Variants in CNTN4 observed in about 807,000 individuals in gnomAD.
The protein encoded by CNTN4 is contactin 4.
In CNTN4, 77 loss-of-function variants were observed where a neutral mutation model predicts 122.5. The observed-to-expected ratio is 0.63, with a 90% confidence interval of 0.52 to 0.76. The LOEUF (loss-of-function observed/expected upper bound fraction) is 0.76, where lower values mean the gene tolerates loss of function less well. Ranked by LOEUF, CNTN4 falls within the 30% of genes least tolerant of loss-of-function variation. CNTN4 has a pLI of 0.00. For missense variants in CNTN4, 1,256 were observed against 1,259.1 expected, an observed-to-expected ratio of 1.00 and a Z score of 0.04; for synonymous variants, 512 against 447.0, an observed-to-expected ratio of 1.15 and a Z score of -1.83.
chr3:2,197,743 C>T (rs1007522803), intron 2 of CNTN4, among the ~76,000 whole-genome samples: 4 of 152,100 alleles, frequency 2.6e-5, no homozygotes, highest in Admixed American at 6.5e-5. Flanking sequence ...TGTCCAGGCA[C>T]GGTGGCTCAT....
intron 6 of CNTN4, among the ~76,000 whole-genome samples, chr3:2,815,904 T>C (rs1347042190): frequency 7.2e-6 from 1 of 138,786 alleles, no homozygotes; most frequent in Non-Finnish European, 1.5e-5. Flanking sequence ...TGGAATACTA[T>C]GTAGCCATAA....
chr3:2,882,817 T>C (rs900281318), intron 8 of CNTN4: 1 of 284,312 alleles, frequency 3.5e-6, no homozygotes, highest in Non-Finnish European at 6.8e-6. Flanking sequence ...AAGAGATAAT[T>C]TAATTTTCCT....
intron 2 of CNTN4, among the ~76,000 whole-genome samples, chr3:2,173,558 G>A (rs2036606016): frequency 1.3e-5 from 2 of 152,166 alleles, no homozygotes; most frequent in Non-Finnish European, 2.9e-5. Context: ...TGGATAGAAA[G>A]GGATAGATTG....
chr3:2,611,309 A>AG (rs1553583063), intron 4 of CNTN4, among the ~76,000 whole-genome samples: 3,486 of 138,090 alleles, frequency 0.025, 143 homozygotes, highest in Non-Finnish European at 0.037. Context: ...AAAAAAAAAA[A>AG]AAAGAAAGAA....
At chr3:2,108,864 C>T (rs933175466) in intron 2 of CNTN4, among the ~76,000 whole-genome samples, 10 of 152,136 alleles carry the variant, frequency 6.6e-5, no homozygotes, top group African/African-American at 2.4e-4. Context: ...AGTAAGCATC[C>T]AGTACACAGC....
chr3:2,861,659 AT>A (rs2093672912), intron 7 of CNTN4, among the ~76,000 whole-genome samples: 1 of 152,166 alleles, frequency 6.6e-6, no homozygotes, highest in African/African-American at 2.4e-5. Flanking sequence ...TAACTCTAAT[AT>A]CTTCCTTCTA....
intron 13 of CNTN4, among the ~76,000 whole-genome samples, chr3:2,944,509 T>C (rs111569667): frequency 4.3e-4 from 65 of 152,304 alleles, no homozygotes; most frequent in African/African-American, 1.5e-3. Context: ...AGAACCATTT[T>C]GTATTTATTT....
chr3:2,879,059 C>T (rs2093878162), intron 8 of CNTN4, among the ~76,000 whole-genome samples: 1 of 152,132 alleles, frequency 6.6e-6, no homozygotes, highest in African/African-American at 2.4e-5. Context: ...TCCTAATACC[C>T]AGTGCCCCTG....
chr3:2,123,811 T>C (rs2033953640), intron 2 of CNTN4, among the ~76,000 whole-genome samples: 1 of 152,206 alleles, frequency 6.6e-6, no homozygotes, highest in African/African-American at 2.4e-5. Context: ...ATGTTTGGGA[T>C]GACCAGGCAG....
intron 6 of CNTN4, among the ~76,000 whole-genome samples, chr3:2,762,903 G>GATTTGCAT (rs1273110337): frequency 7.5e-6 from 1 of 132,792 alleles, no homozygotes; most frequent in African/African-American, 2.9e-5. Context: ...TTGTGGTTTT[G>GATTTGCAT]ATTTGCATTT....
intron 4 of CNTN4, among the ~76,000 whole-genome samples, chr3:2,645,957 G>A (rs2083098184): frequency 6.6e-6 from 1 of 152,038 alleles, no homozygotes; most frequent in Non-Finnish European, 1.5e-5. Context: ...TTCAACTATT[G>A]TTGTTTAACA....
intron 5 of CNTN4, among the ~76,000 whole-genome samples, chr3:2,744,181 G>A (rs180755843): frequency 2.0e-5 from 3 of 152,306 alleles, no homozygotes. Context: ...ACTGCAAAAT[G>A]GCTTTGAAGT....
chr3:2,451,569 C>T (rs1170927613), intron 3 of CNTN4, among the ~76,000 whole-genome samples: 3 of 151,310 alleles, frequency 2.0e-5, no homozygotes, highest in Admixed American at 6.6e-5. Flanking sequence ...TAAGGAATTA[C>T]CAGTTTTTTA....
At chr3:2,425,788 T>C (rs2047805262) in intron 3 of CNTN4, among the ~76,000 whole-genome samples, 1 of 152,176 alleles carries the variant, frequency 6.6e-6, no homozygotes, top group African/African-American at 2.4e-5. Flanking sequence ...TTCACAACCC[T>C]TGTGAGTTGG....
intron 3 of CNTN4, among the ~76,000 whole-genome samples, chr3:2,488,498 G>C (rs1459357302): frequency 6.6e-6 from 1 of 152,098 alleles, no homozygotes; most frequent in Non-Finnish European, 1.5e-5. Flanking sequence ...CTCCAGGGTT[G>C]GTTCCTGCTG....
chr3:2,287,500 G>A (rs930709253), intron 2 of CNTN4, among the ~76,000 whole-genome samples: 2 of 151,734 alleles, frequency 1.3e-5, no homozygotes, highest in East Asian at 1.9e-4. Flanking sequence ...TACTTGAGTG[G>A]GCTGAGGTAG....
chr3:2,733,464 A>C (rs1477104172), intron 4 of CNTN4, among the ~76,000 whole-genome samples: 1 of 151,892 alleles, frequency 6.6e-6, no homozygotes, highest in East Asian at 1.9e-4. Flanking sequence ...TGAAATTGAA[A>C]TGTAAATATC....
chr3:2,993,515 G>T (rs1044474954), intron 14 of CNTN4, among the ~76,000 whole-genome samples: 4 of 151,392 alleles, frequency 2.6e-5, no homozygotes, highest in African/African-American at 9.7e-5. Flanking sequence ...GTCAAGGCTG[G>T]TTTCGAACTC....
intron 6 of CNTN4, among the ~76,000 whole-genome samples, chr3:2,777,112 C>CAGGG (rs1450110252): frequency 3.3e-5 from 5 of 152,104 alleles, no homozygotes; most frequent in African/African-American, 1.2e-4. Context: ...TCCCAAGCAG[C>CAGGG]AGGGATTCTA....
Sources: allele counts gnomAD v4.1 joint callset (sites outside exome capture counted in the v4.1 genomes callset), GRCh38; gene constraint gnomAD v4.1.1; transcripts MANE v1.5; gene names NCBI Gene and HGNC (gene_info 2026-07-23, HGNC 2026-07-21).